CIITA: variants seen among roughly 807,000 people sequenced by gnomAD.
CIITA encodes MHC class II transactivator.
CIITA carries 72 observed loss-of-function variants against 115.1 expected under a neutral mutation model. That is an observed-to-expected ratio of 0.63 (90% CI 0.52 to 0.76). The LOEUF (loss-of-function observed/expected upper bound fraction) is 0.76. Ranked by LOEUF, CIITA falls within the 30% of genes least tolerant of loss-of-function variation. The pLI is 0.00. For synonymous variants in CIITA, 763 were observed against 635.6 expected (o/e 1.20, Z -3.02); for missense variants, 1,617 against 1,463.8 (o/e 1.10, Z -1.71).
At position 10,895,684 on chromosome 16, in the gene CIITA, C is replaced by G; in HGVS notation, c.215C>G (p.Thr72Ser). Residue 72 changes from threonine (T) to serine (S), a missense_variant, in exon 3 of 20, where the codon ACC becomes AGC. Thr to Ser is a moderately conservative substitution (Grantham distance 58). Coordinates refer to ENST00000324288, the MANE Select transcript of CIITA (RefSeq NM_000246.4). ...IELYSEPDTD[T>S]INCDQFSRLL... is the part of the protein sequence containing the mutation. ...TTCCTCCCAGAACCCGACACAGACA[C>G]CATCAACTGCGACCAGTTCAGCAGG... 1 of 1,614,154 alleles carries G rather than the reference C, an allele frequency of 6.2e-7. No individual in the cohort carries two copies. The highest frequency in any genetic ancestry group is 8.5e-7 in the Non-Finnish European group (1 of 1,180,022).
intron 13 of CIITA, among the ~76,000 whole-genome samples, chr16:10,910,794 C>T (rs967769896): frequency 6.6e-6 from 1 of 152,232 alleles, no homozygotes; most frequent in East Asian, 1.9e-4. Context: ...AACTGCACAA[C>T]GTCCCTTGTG....
Position 10,920,735 on chromosome 16 carries a change from T to G in CIITA, c.3150-1432T>G, listed in dbSNP as rs182656046. 6.6e-6 allele frequency among the ~76,000 whole-genome samples: 1 copy of G among 152,206 alleles called. No homozygotes were observed. Among genetic ancestry groups the G allele is most frequent in the African/African-American group, 2.4e-5 (1 of 41,442 alleles). On this transcript the variant is annotated intron_variant, in intron 16 of 19. Coordinates refer to ENST00000324288, the MANE Select transcript of CIITA (RefSeq NM_000246.4). The surrounding 1 kb of genome is among the most constrained non-coding windows in gnomAD (Gnocchi z 4.5). ...TGAAATATGGTCAGATTACTCTCCC[T>G]GTGGGGTGGAGGAAGGGTCTCCAGG... is the stretch of plus-strand genomic sequence containing the variant.
chr16:10,868,476 C>T (rs564913623), intron 1 of CIITA, among the ~76,000 whole-genome samples: 1 of 152,332 alleles, frequency 6.6e-6, no homozygotes, highest in African/African-American at 2.4e-5. Flanking sequence ...AATTCTCACC[C>T]AAGTGGTTTC....
chr16:10,919,015 G>A (rs528289126), intron 16 of CIITA, among the ~76,000 whole-genome samples: 3 of 152,010 alleles, frequency 2.0e-5, no homozygotes, highest in Admixed American at 6.6e-5. Flanking sequence ...GGTAATGAGC[G>A]GACTGAGCTT....
intron 1 of CIITA, among the ~76,000 whole-genome samples, chr16:10,885,591 G>T (rs914224811): frequency 1.3e-5 from 2 of 152,078 alleles, no homozygotes; most frequent in African/African-American, 4.8e-5. Flanking sequence ...ATCTACACTT[G>T]GTTTGCAAAC....
intron 10 of CIITA, among the ~76,000 whole-genome samples, chr16:10,905,592 C>T (rs1420862426): frequency 6.6e-6 from 1 of 151,910 alleles, no homozygotes; most frequent in African/African-American, 2.4e-5. Context: ...GAAACCCCGT[C>T]TCCATTAAAA....
intron 13 of CIITA, 40 bp downstream of exon 13, chr16:10,910,299 G>C: frequency 6.4e-7 from 1 of 1,553,272 alleles, no homozygotes; most frequent in South Asian, 1.1e-5. Context: ...TCTGCGCAAG[G>C]TTTCCCCTGC....
chr16:10,902,228 G>A (rs756753347), intron 7 of CIITA, 44 bp downstream of exon 7: 3 of 1,612,464 alleles, frequency 1.9e-6, no homozygotes, highest in Non-Finnish European at 2.5e-6. Flanking sequence ...TCCCTCTTGG[G>A]AGGTGGATAA....
chr16:10,922,115 G>A (rs2040303135), intron 16 of CIITA, 52 bp from the exon 17 acceptor site: 1 of 1,523,004 alleles, frequency 6.6e-7, no homozygotes, highest in South Asian at 1.1e-5. Flanking sequence ...CTTCTGGAAG[G>A]CTGACCATGC....
chr16:10,868,160 GAA>G (rs1567344161), intron 1 of CIITA, among the ~76,000 whole-genome samples: 1 of 152,180 alleles, frequency 6.6e-6, no homozygotes. Flanking sequence ...TAGTGTGCCA[GAA>G]ACAGCCTAAG....
chr16:10,923,324 G>A lies in CIITA; in HGVS notation c.*21G>A, dbSNP rs199845603. On this transcript the variant is annotated splice_region_variant and 3_prime_UTR_variant, in exon 19 of 20. Coordinates refer to ENST00000324288, the MANE Select transcript of CIITA (RefSeq NM_000246.4). The surrounding 1 kb of genome is among the most constrained non-coding windows in gnomAD (Gnocchi z 5.2). ...GATGATCCCAGCTGTGCTCTGGACA[G>A]GGTAACCAGGGTGGGCTTGGGAGGG... 1.2e-5 allele frequency: 20 copies of A among 1,600,644 alleles called. No homozygotes were observed. Among genetic ancestry groups the A allele is most frequent in the Admixed American group, 6.7e-5 (4 of 59,976 alleles).
chr16:10,940,812 A>C (rs1225649911), downstream of CIITA: 1 of 152,258 alleles, frequency 6.6e-6, no homozygotes, highest in Non-Finnish European at 1.5e-5. The surrounding 1 kb of genome is among the most constrained non-coding windows in gnomAD (Gnocchi z 4.2). Context: ...TCTCAGTGCA[A>C]TGACCCTGTG....
rs990205982 is a variant in CIITA at position 10,934,827 on chromosome 16, G to C, written c.*10972G>C. The C allele has an allele frequency of 6.6e-6, 1 of 152,258 alleles. No homozygotes were observed. The highest frequency in any genetic ancestry group is 1.5e-5 in the Non-Finnish European group (1 of 68,068). The allele number at this position is 152,258 out of a possible 1,614,324, so 9.4% of individuals were successfully genotyped here. On this transcript the variant is annotated 3_prime_UTR_variant, in exon 20 of 20. Coordinates refer to ENST00000324288, the MANE Select transcript of CIITA (RefSeq NM_000246.4). This position sits in a 1 kb window ranked among gnomAD's most constrained non-coding sequence, Gnocchi z 4.2. ...GCTTGGGGCCTGGGATGGCAGCTGT[G>C]AGGGCACCAGCACCATCTGGGGACT...
upstream of CIITA, among the ~76,000 whole-genome samples, chr16:10,875,671 C>G (rs997744342): frequency 2.6e-5 from 4 of 152,012 alleles, no homozygotes; most frequent in African/African-American, 9.7e-5. Context: ...ACTTATCTTT[C>G]TTTTCTTTTT....
At chr16:10,916,276 G>T in intron 14 of CIITA, 91 bp from the exon 15 acceptor site, 1 of 1,197,310 alleles carries the variant, frequency 8.4e-7, no homozygotes, top group Non-Finnish European at 1.2e-6. Flanking sequence ...GGAAGGGCAG[G>T]TGCCAGGGCT....
chr16:10,922,626 G>T (rs1286194595), intron 18 of CIITA, 136 bp downstream of exon 18: 2 of 854,752 alleles, frequency 2.3e-6, no homozygotes, highest in Admixed American at 2.0e-5. Context: ...TCCCCCTCTG[G>T]CTTCAGCTTC....
At chr16:10,905,301 G>A (rs2039059964) in intron 10 of CIITA, among the ~76,000 whole-genome samples, 2 of 152,210 alleles carry the variant, frequency 1.3e-5, no homozygotes, top group African/African-American at 4.8e-5. Flanking sequence ...GAGGCATGGT[G>A]GGATGTATAG....
At chr16:10,904,696 C>G in intron 9 of CIITA, 48 bp from the exon 10 acceptor site, 2 of 1,610,724 alleles carry the variant, frequency 1.2e-6, no homozygotes, top group South Asian at 1.1e-5. Flanking sequence ...GGGGGGTCCC[C>G]AGGGGTAACC....
chr16:10,900,739 C>CAA (rs5815603), intron 5 of CIITA, among the ~76,000 whole-genome samples: 2 of 101,626 alleles, frequency 2.0e-5, no homozygotes, highest in Admixed American at 1.1e-4. Context: ...GACTCTGTTT[C>CAA]AAAAAAAAAA....
Sources: gnomAD v4.1 joint callset for allele counts (sites outside exome capture counted in the v4.1 genomes callset) on GRCh38, gnomAD v4.1.1 for gene constraint, Gnocchi (gnomAD v3.1) non-coding constraint, MANE v1.5 for transcripts, NCBI Gene and HGNC (gene_info 2026-07-23, HGNC 2026-07-21) for gene names.